HOMER1: variants seen among roughly 807,000 people sequenced by gnomAD.
HOMER1 encodes homer protein homolog 1.
Under a neutral mutation model 48.9 loss-of-function variants are expected in HOMER1, and 3 were observed. The observed-to-expected ratio is 0.06, with a 90% CI of 0.03 to 0.16. The LOEUF (loss-of-function observed/expected upper bound fraction) is 0.16. Ranked by LOEUF, HOMER1 falls within the 10% of genes least tolerant of loss-of-function variation. HOMER1 has a pLI of 1.00. For missense variants in HOMER1, 247 were observed against 411.4 expected, an observed-to-expected ratio of 0.60 and a Z score of 3.46; for synonymous variants, 134 against 146.4, an observed-to-expected ratio of 0.92 and a Z score of 0.61.
chr5:79,478,726 C>T (rs948080612), intron 1 of HOMER1, among the ~76,000 whole-genome samples: 10 of 152,050 alleles, frequency 6.6e-5, no homozygotes, highest in South Asian at 2.1e-4. Context: ...CTGAGGCGGG[C>T]GGATCACCTG....
At chr5:79,406,972 C>A (rs551075268) in intron 5 of HOMER1, among the ~76,000 whole-genome samples, 71 of 152,320 alleles carry the variant, frequency 4.7e-4, no homozygotes, top group African/African-American at 1.7e-3. Context: ...TTATAGCAGC[C>A]TTCCACTGCA....
chr5:79,507,974 C>A (rs374622825), intron 1 of HOMER1, among the ~76,000 whole-genome samples: 1 of 152,292 alleles, frequency 6.6e-6, no homozygotes, highest in African/African-American at 2.4e-5. Context: ...AACTACACAT[C>A]TCTCAGTCAC....
chr5:79,427,658 T>C (rs1210176480), intron 5 of HOMER1, among the ~76,000 whole-genome samples: 4 of 111,606 alleles, frequency 3.6e-5, no homozygotes, highest in Non-Finnish European at 7.1e-5. Flanking sequence ...CTACCTTCCT[T>C]CCTTCCTTTC....
intron 5 of HOMER1, among the ~76,000 whole-genome samples, chr5:79,403,688 G>C (rs1383764453): frequency 6.6e-6 from 1 of 152,168 alleles, no homozygotes; most frequent in Non-Finnish European, 1.5e-5. Flanking sequence ...TAGTAGTATT[G>C]TATCAATGCT....
intron 8 of HOMER1, among the ~76,000 whole-genome samples, chr5:79,380,748 C>T (rs1197796177): frequency 6.6e-6 from 1 of 152,062 alleles, no homozygotes; most frequent in Non-Finnish European, 1.5e-5. Flanking sequence ...GATTGCCCAG[C>T]CCAGTCCACC....
chr5:79,385,932 G>T (rs1262055458), intron 8 of HOMER1, among the ~76,000 whole-genome samples: 1 of 150,088 alleles, frequency 6.7e-6, no homozygotes, highest in African/African-American at 2.4e-5. Flanking sequence ...AGAATTGAAT[G>T]GATAGAATGA....
intron 1 of HOMER1, among the ~76,000 whole-genome samples, chr5:79,502,304 C>T (rs1472371884): frequency 6.6e-6 from 1 of 152,062 alleles, no homozygotes; most frequent in Non-Finnish European, 1.5e-5. Context: ...AGACGTGAGC[C>T]ACCGCGCCCA....
At chr5:79,457,308 A>G (rs917096698) in intron 1 of HOMER1, among the ~76,000 whole-genome samples, 44 of 152,234 alleles carry the variant, frequency 2.9e-4, no homozygotes, top group African/African-American at 1.0e-3. Flanking sequence ...AGTCTTTCAC[A>G]GACACACACA....
chr5:79,501,231 A>G (rs150470645), intron 1 of HOMER1, among the ~76,000 whole-genome samples: 167 of 152,230 alleles, frequency 1.1e-3, no homozygotes, highest in Middle Eastern at 6.8e-3. Context: ...TGGGCCTCCC[A>G]AAGTGCTGGG....
At chr5:79,492,833 T>A (rs968551618) in intron 1 of HOMER1, among the ~76,000 whole-genome samples, 1 of 148,096 alleles carries the variant, frequency 6.8e-6, no homozygotes, top group Non-Finnish European at 1.5e-5. Context: ...AATAACAGAA[T>A]AGAACACTAC....
intron 5 of HOMER1, among the ~76,000 whole-genome samples, chr5:79,435,120 A>G (rs1212297929): frequency 6.6e-6 from 1 of 152,174 alleles, no homozygotes; most frequent in Non-Finnish European, 1.5e-5. Context: ...TTTTATAATA[A>G]AAAGTTATAA....
chr5:79,503,530 AAG>A (rs1418802360), intron 1 of HOMER1, among the ~76,000 whole-genome samples: 15,627 of 105,114 alleles, frequency 0.15, 1,499 homozygotes, highest in African/African-American at 0.31. Context: ...CTCTGTCACA[AAG>A]AGAAAAAAAA....
chr5:79,396,719 G>A, intron 8 of HOMER1, 104 bp downstream of exon 8: 2 of 564,776 alleles, frequency 3.5e-6, no homozygotes, highest in South Asian at 3.0e-5. Flanking sequence ...AAAGAAAAAT[G>A]ACCAAAAACC....
chr5:79,431,606 T>C (rs571030280), intron 5 of HOMER1, among the ~76,000 whole-genome samples: 43 of 152,242 alleles, frequency 2.8e-4, no homozygotes, highest in African/African-American at 9.4e-4. Context: ...ATTGTATACC[T>C]GAGGTAGTTG....
intron 8 of HOMER1, among the ~76,000 whole-genome samples, chr5:79,382,824 A>G (rs1749016465): frequency 6.6e-6 from 1 of 152,230 alleles, no homozygotes; most frequent in Non-Finnish European, 1.5e-5. Flanking sequence ...AAAAGGAAGG[A>G]ACAAAGAACA....
At chr5:79,432,221 C>T (rs1750445179) in intron 5 of HOMER1, among the ~76,000 whole-genome samples, 1 of 152,338 alleles carries the variant, frequency 6.6e-6, no homozygotes, top group Admixed American at 6.5e-5. Flanking sequence ...TAGAGCAAAA[C>T]TGTCCGTATC....
intron 1 of HOMER1, 37 bp from the exon 2 acceptor site, chr5:79,457,055 G>A (rs1404017012): frequency 1.2e-6 from 2 of 1,604,724 alleles, no homozygotes; most frequent in Non-Finnish European, 8.5e-7. Flanking sequence ...ACTGAAAGCA[G>A]CCAGTTTTAT....
intron 8 of HOMER1, among the ~76,000 whole-genome samples, chr5:79,376,410 C>G (rs1005984512): frequency 6.6e-6 from 1 of 152,108 alleles, no homozygotes; most frequent in Admixed American, 6.5e-5. Context: ...ATCAATCTAT[C>G]TAACCACTCA....
At chr5:79,451,519 TC>T (rs1751026713) in intron 2 of HOMER1, among the ~76,000 whole-genome samples, 1 of 149,080 alleles carries the variant, frequency 6.7e-6, no homozygotes, top group South Asian at 2.2e-4. Flanking sequence ...CTCCAAAGAA[TC>T]TTTCAAAAAT....
Sources: gnomAD v4.1 joint callset for allele counts (sites outside exome capture counted in the v4.1 genomes callset) on GRCh38, gnomAD v4.1.1 for gene constraint, MANE v1.5 for transcripts, NCBI Gene and HGNC (gene_info 2026-07-23, HGNC 2026-07-21) for gene names.